The following PDE1C variants were observed in gnomAD, a reference collection of about 807,000 sequenced individuals.
PDE1C encodes dual specificity calcium/calmodulin-dependent 3',5'-cyclic nucleotide phosphodiesterase 1C.
In PDE1C, 62 loss-of-function variants were observed where a neutral mutation model predicts 93.1. That is an observed-to-expected ratio of 0.67 (90% CI 0.54 to 0.82). The LOEUF (loss-of-function observed/expected upper bound fraction) is 0.82. Ranked by LOEUF, PDE1C falls within the 40% of genes least tolerant of loss-of-function variation. The pLI is 0.00. For synonymous variants in PDE1C, 325 were observed against 310.1 expected (o/e 1.05, Z -0.50); for missense variants, 742 against 884.6 (o/e 0.84, Z 2.04).
At chr7:31,833,724 A>T (rs900617669) in intron 11 of PDE1C, among the ~76,000 whole-genome samples, 1 of 152,210 alleles carries the variant, frequency 6.6e-6, no homozygotes, top group East Asian at 1.9e-4. Context: ...ACAGGAAAAC[A>T]TTCAAGAGGT....
In PDE1C at chr7:32,168,879, A is replaced by T. The variant is rs545540885; in HGVS notation, c.308+906T>A. ...GATACAAAAGAGAGTATATTTTTCA[A>T]ATATATTTCATGGAACTCCAACAGC... On this transcript the variant is annotated intron_variant, in intron 3 of 18. Coordinates refer to the PDE1C transcript ENST00000396193. Among the ~76,000 whole-genome samples, 15 of 152,314 alleles carry T rather than the reference A, an allele frequency of 9.8e-5. No homozygotes were observed. The East Asian group carries it at 2.7e-3, about 27-fold the overall frequency.
intron 1 of PDE1C, among the ~76,000 whole-genome samples, chr7:32,230,048 C>T (rs756982401): frequency 1.3e-4 from 20 of 152,126 alleles, no homozygotes; most frequent in Admixed American, 3.3e-4. Flanking sequence ...GAAGCCTCTC[C>T]GGAATAGAAA....
At chr7:31,827,277 C>A (rs964795640) in intron 12 of PDE1C, among the ~76,000 whole-genome samples, 2 of 152,086 alleles carry the variant, frequency 1.3e-5, no homozygotes, top group African/African-American at 2.4e-5. Flanking sequence ...CTTCTACCCA[C>A]CCCTAGCTCA....
At chr7:31,794,253 C>T (rs1348783494) in intron 16 of PDE1C, among the ~76,000 whole-genome samples, 3 of 151,932 alleles carry the variant, frequency 2.0e-5, no homozygotes, top group South Asian at 2.1e-4. Flanking sequence ...AAGAACAGTA[C>T]AAAGAACAGT....
At chr7:32,151,890 G>A (rs1291041714) in intron 3 of PDE1C, among the ~76,000 whole-genome samples, 4 of 152,134 alleles carry the variant, frequency 2.6e-5, no homozygotes, top group Non-Finnish European at 5.9e-5. Flanking sequence ...ATTTGAACAT[G>A]TACAGTTTTT....
chr7:32,377,275 C>T (rs1199141059), intron 1 of PDE1C, among the ~76,000 whole-genome samples: 1 of 152,190 alleles, frequency 6.6e-6, no homozygotes, highest in African/African-American at 2.4e-5. Flanking sequence ...CCGCACTCCC[C>T]ACCTCACCCC....
intron 1 of PDE1C, among the ~76,000 whole-genome samples, chr7:32,293,552 C>T (rs962892857): frequency 6.6e-6 from 1 of 152,192 alleles, no homozygotes; most frequent in Non-Finnish European, 1.5e-5. Context: ...TCGATCCTCA[C>T]CATACTGCCA....
intron 1 of PDE1C, among the ~76,000 whole-genome samples, chr7:32,412,981 G>A (rs539077629): frequency 1.3e-5 from 2 of 152,182 alleles, no homozygotes; most frequent in Non-Finnish European, 2.9e-5. Context: ...GGGTCATGAG[G>A]AAACTCACGG....
At chr7:31,790,633 T>C (rs982858) in intron 16 of PDE1C, among the ~76,000 whole-genome samples, 83,119 of 151,896 alleles carry the variant, frequency 0.55, 24,790 homozygotes, top group Non-Finnish European at 0.66. Context: ...ATCAGATTCA[T>C]CTAATCCCAA....
At chr7:32,339,718 C>A (rs1402679500) in intron 1 of PDE1C, among the ~76,000 whole-genome samples, 1 of 151,912 alleles carries the variant, frequency 6.6e-6, no homozygotes, top group African/African-American at 2.4e-5. Flanking sequence ...AAATGGAGCT[C>A]ATGGGAATAC....
chr7:31,844,400 T>C (rs1472768000), intron 9 of PDE1C, among the ~76,000 whole-genome samples: 1 of 151,772 alleles, frequency 6.6e-6, no homozygotes, highest in Non-Finnish European at 1.5e-5. Flanking sequence ...TTCATCTTCA[T>C]TCTTGAAGTT....
chr7:31,841,629 A>G (rs1262041823), intron 9 of PDE1C, among the ~76,000 whole-genome samples: 1 of 151,932 alleles, frequency 6.6e-6, no homozygotes, highest in Admixed American at 6.6e-5. Flanking sequence ...TGACTGTATG[A>G]TTTTCTGTTT....
At chr7:32,220,656 A>G (rs1278508778) in intron 1 of PDE1C, among the ~76,000 whole-genome samples, 1 of 152,106 alleles carries the variant, frequency 6.6e-6, no homozygotes. Flanking sequence ...TCTACTAAAA[A>G]AATATAAAAA....
chr7:32,171,088 C>CA (rs1802617681), intron 2 of PDE1C, among the ~76,000 whole-genome samples: 1 of 152,356 alleles, frequency 6.6e-6, no homozygotes, highest in Middle Eastern at 3.4e-3. Context: ...TGACTGACAC[C>CA]AGTGCTTCCC....
chr7:32,179,982 C>A (rs1255160053), intron 2 of PDE1C, among the ~76,000 whole-genome samples: 2 of 152,054 alleles, frequency 1.3e-5, no homozygotes, highest in Admixed American at 1.3e-4. Context: ...GCCTTCCTCT[C>A]CTTTGGAGAA....
chr7:32,131,729 T>C (rs1370101768), intron 3 of PDE1C, among the ~76,000 whole-genome samples: 3 of 152,188 alleles, frequency 2.0e-5, no homozygotes, highest in African/African-American at 7.2e-5. Context: ...ACCTCTAGAC[T>C]AGAGACATTG....
intron 9 of PDE1C, among the ~76,000 whole-genome samples, chr7:31,841,177 G>A (rs1283020510): frequency 6.7e-6 from 1 of 148,198 alleles, no homozygotes; most frequent in Non-Finnish European, 1.5e-5. Context: ...ATTTTCCAAT[G>A]GTTTGCTGCT....
At chr7:31,832,722 T>C (rs780521747) in intron 11 of PDE1C, among the ~76,000 whole-genome samples, 11 of 152,196 alleles carry the variant, frequency 7.2e-5, no homozygotes, top group Non-Finnish European at 1.5e-4. Flanking sequence ...GAGTTAACAG[T>C]CCCTTCCCAA....
At chr7:31,815,210 C>A (rs758102517) in intron 15 of PDE1C, among the ~76,000 whole-genome samples, 7 of 152,264 alleles carry the variant, frequency 4.6e-5, no homozygotes, top group Admixed American at 2.0e-4. Flanking sequence ...CTTTCACTTG[C>A]ACATTTCACT....
Sources: allele counts gnomAD v4.1 joint callset (sites outside exome capture counted in the v4.1 genomes callset), GRCh38; gene constraint gnomAD v4.1.1; transcripts MANE v1.5; gene names NCBI Gene and HGNC (gene_info 2026-07-23, HGNC 2026-07-21).